Variants in LCK observed in about 807,000 individuals in gnomAD.
LCK encodes tyrosine-protein kinase Lck.
Under a neutral mutation model 64.6 loss-of-function variants are expected in LCK, and 14 were observed. The ratio of observed to expected loss-of-function variants is 0.22; its 90% confidence interval spans 0.14 to 0.34. The LOEUF (loss-of-function observed/expected upper bound fraction) is 0.34. Ranked by LOEUF, LCK falls within the 10% of genes least tolerant of loss-of-function variation. LCK has a pLI of 1.00. For missense variants in LCK, 434 were observed against 668.1 expected (o/e 0.65, Z 3.86); for synonymous variants, 277 against 263.6 (o/e 1.05, Z -0.49).
intron 1 of LCK, among the ~76,000 whole-genome samples, chr1:32,256,803 G>A (rs1405523531): frequency 2.0e-5 from 3 of 152,128 alleles, no homozygotes; most frequent in Non-Finnish European, 4.4e-5. Context: ...CACCACTCAG[G>A]TGTGTAAGTG....
At position 32,280,149 on chromosome 1, in the gene LCK, T is replaced by C. The variant is rs547283069; in HGVS notation, c.1266T>C (p.Asp422=). Residue 422 remains aspartate, a synonymous_variant, in exon 12 of 13, where the codon GAT becomes GAC. Coordinates refer to ENST00000336890, the MANE Select transcript of LCK (RefSeq NM_005356.5). The stretch of plus-strand genomic sequence containing the variant: ...ACGGGACATTCACCATCAAGTCAGA[T>C]GTGTGGTCTTTTGGGATCCTGCTGA... The part of the protein sequence containing the change: ...INYGTFTIKS[D]VWSFGILLTE... 1.2e-6 allele frequency: 2 copies of C among 1,614,134 alleles called. No individual in the cohort carries two copies. Among genetic ancestry groups the C allele is most frequent in the South Asian group, 1.1e-5 (1 of 91,088 alleles).
intron 1 of LCK, among the ~76,000 whole-genome samples, chr1:32,257,655 A>C (rs1639662402): frequency 6.6e-6 from 1 of 152,124 alleles, no homozygotes; most frequent in African/African-American, 2.4e-5. Flanking sequence ...ACTCCCAGAA[A>C]CGTTTATAAA....
intron 12 of LCK, 121 bp from the exon 13 acceptor site, chr1:32,285,393 T>TGAA: frequency 1.1e-6 from 1 of 881,732 alleles, no homozygotes; most frequent in Non-Finnish European, 1.9e-6. Flanking sequence ...TTACCATTGA[T>TGAA]GAAGACCAAG....
At chr1:32,259,041 T>G (rs1412014588) in intron 1 of LCK, among the ~76,000 whole-genome samples, 1 of 150,994 alleles carries the variant, frequency 6.6e-6, no homozygotes, top group Non-Finnish European at 1.5e-5. Flanking sequence ...AAAAAAGTAT[T>G]ATGTATTTAA....
At chr1:32,268,578 T>C (rs1000065202) in intron 1 of LCK, among the ~76,000 whole-genome samples, 1 of 151,850 alleles carries the variant, frequency 6.6e-6, no homozygotes, top group Admixed American at 6.6e-5. Context: ...TCTATCAAAA[T>C]ATATCATGTA....
At position 32,275,725 on chromosome 1, in the gene LCK, A is replaced by G. The variant is rs1569954765; in HGVS notation, c.481+53A>G. ...GCGGGGGTGCCCCGGGGTGTGCCCGAGGGGGGGCGCAGGGTGAGCCCGAGG... is the reference window on the plus strand; with the variant it reads ...GCGGGGGTGCCCCGGGGTGTGCCCGGGGGGGGGCGCAGGGTGAGCCCGAGG... On this transcript the variant is annotated intron_variant, in intron 6 of 12. Coordinates refer to ENST00000336890, the MANE Select transcript of LCK (RefSeq NM_005356.5). The surrounding 1 kb of genome is among the most constrained non-coding windows in gnomAD (Gnocchi z 6.9). 6.9e-7 allele frequency: 1 copy of G among 1,440,240 alleles called. No individual in the cohort carries two copies. The highest frequency in any genetic ancestry group is 9.3e-7 in the Non-Finnish European group (1 of 1,076,468). 89.2% of individuals were successfully genotyped at this position (1,440,240 alleles called of 1,614,324 possible). A position where few individuals can be genotyped will look rare whatever the true frequency, so the allele number is the denominator to read the frequency against.
chr1:32,260,858 G>A (rs966690809), intron 1 of LCK, among the ~76,000 whole-genome samples: 3 of 152,144 alleles, frequency 2.0e-5, no homozygotes, highest in Non-Finnish European at 4.4e-5. Flanking sequence ...CTGGCCTCGA[G>A]TGATCCTTCC....
intron 3 of LCK, 87 bp downstream of exon 3, chr1:32,274,905 G>A (rs1463071944): frequency 1.9e-6 from 3 of 1,613,788 alleles, no homozygotes; most frequent in Admixed American, 1.7e-5. Flanking sequence ...CTTTCTCCCC[G>A]GTCTTGCCTT....
In LCK at chr1:32,276,033, G is replaced by C; in HGVS notation, c.601G>C (p.Gly201Arg). The C allele has an allele frequency of 6.2e-7, 1 of 1,613,996 alleles. No individual in the cohort carries two copies. ...FYISPRITFPGLHELVRHYTN... is the reference protein window; with the variant it reads ...FYISPRITFPRLHELVRHYTN... ...CATCTCCCCTCGAATCACTTTTCCC[G>C]GCCTGCATGAACTGGTCCGCCATTA... Residue 201 changes from glycine to arginine, a missense_variant, in exon 7 of 13, where the codon GGC (glycine) becomes CGC (arginine). Physicochemically the swap from Gly to Arg is moderately radical, Grantham distance 125 (BLOSUM62 -2). This residue lies in a region of LCK where 233 missense variants were observed against 291.2 expected (regional missense o/e 0.80). Coordinates refer to ENST00000336890, the MANE Select transcript of LCK (RefSeq NM_005356.5). The surrounding 1 kb of genome is among the most constrained non-coding windows in gnomAD (Gnocchi z 4.6).
At chr1:32,277,697 A>G (rs958056579) in intron 9 of LCK, among the ~76,000 whole-genome samples, 2 of 152,212 alleles carry the variant, frequency 1.3e-5, no homozygotes, top group Non-Finnish European at 2.9e-5. Context: ...CAGAAATAAT[A>G]CAGAGTATTC....
intron 1 of LCK, among the ~76,000 whole-genome samples, chr1:32,254,498 G>GT (rs768758010): frequency 1.3e-4 from 20 of 151,936 alleles, no homozygotes; most frequent in African/African-American, 4.6e-4. Flanking sequence ...GTTTTGTGGG[G>GT]TTTTTTTGGT....
intron 1 of LCK, among the ~76,000 whole-genome samples, chr1:32,271,468 A>C (rs1224175783): frequency 6.6e-6 from 1 of 152,118 alleles, no homozygotes; most frequent in Non-Finnish European, 1.5e-5. Context: ...CTTGAAGCCA[A>C]GAATTTGAGA....
intron 1 of LCK, among the ~76,000 whole-genome samples, chr1:32,271,312 A>G (rs139673889): frequency 5.3e-5 from 8 of 152,226 alleles, no homozygotes; most frequent in Non-Finnish European, 1.0e-4. Flanking sequence ...CAGCAACTCC[A>G]GCTTTGCTCT....
intron 12 of LCK, among the ~76,000 whole-genome samples, chr1:32,281,909 T>A (rs189355455): frequency 1.2e-3 from 181 of 151,190 alleles, no homozygotes; most frequent in African/African-American, 1.8e-3. Flanking sequence ...CTAAAAAAAA[T>A]ATATATAAAA....
chr1:32,270,905 T>C (rs1640062961), intron 1 of LCK, among the ~76,000 whole-genome samples: 1 of 150,968 alleles, frequency 6.6e-6, no homozygotes, highest in Admixed American at 6.6e-5. Flanking sequence ...GGTTGCACCA[T>C]GTTGGCCAGG....
At chr1:32,258,949 G>A (rs889474396) in intron 1 of LCK, among the ~76,000 whole-genome samples, 1 of 151,828 alleles carries the variant, frequency 6.6e-6, no homozygotes, top group Non-Finnish European at 1.5e-5. Context: ...CCTGAGCTAT[G>A]GGAGGTCGAG....
At chr1:32,277,013 C>A (rs962230736) in intron 9 of LCK, 1 of 351,506 alleles carries the variant, frequency 2.8e-6, no homozygotes, top group African/African-American at 2.1e-5. Flanking sequence ...AGTTCGAGAC[C>A]AGCCTGACCA....
At chr1:32,280,766 T>C (rs1239615403) in intron 12 of LCK, among the ~76,000 whole-genome samples, 1 of 152,164 alleles carries the variant, frequency 6.6e-6, no homozygotes, top group Non-Finnish European at 1.5e-5. Context: ...GCTCTTTTCT[T>C]TAGTTCTGGC....
At chr1:32,282,735 G>A (rs1640499108) in intron 12 of LCK, among the ~76,000 whole-genome samples, 1 of 152,140 alleles carries the variant, frequency 6.6e-6, no homozygotes, top group African/African-American at 2.4e-5. Flanking sequence ...GAACCCTGGA[G>A]GCGGAAGTTG....
Sources: allele counts gnomAD v4.1 joint callset (sites outside exome capture counted in the v4.1 genomes callset), GRCh38; gene constraint gnomAD v4.1.1; regional missense constraint gnomAD v4.1.1; non-coding constraint Gnocchi (gnomAD v3.1); transcripts MANE v1.5; gene names NCBI Gene and HGNC (gene_info 2026-07-23, HGNC 2026-07-21).